LDAH: variants seen among roughly 807,000 people sequenced by gnomAD.
The protein encoded by LDAH is lipid droplet-associated hydrolase.
Under a neutral mutation model 29.6 loss-of-function variants are expected in LDAH, and 26 were observed. The ratio of observed to expected loss-of-function variants is 0.88; its 90% confidence interval spans 0.64 to 1.22. The LOEUF (loss-of-function observed/expected upper bound fraction) is 1.22, where lower values mean the gene tolerates loss of function less well. LDAH is among the 50% of genes most tolerant of loss of function. The pLI, the probability that LDAH is intolerant of heterozygous loss-of-function variation, is 0.00. For missense variants in LDAH, 344 were observed against 387.3 expected (o/e 0.89, Z 0.94); for synonymous variants, 117 against 133.0 (o/e 0.88, Z 0.83).
rs78054200 is a variant in LDAH at position 20,780,766 on chromosome 2, C to T, written c.299-5787G>A. On this transcript the variant is annotated intron_variant, in intron 3 of 6. Transcript: ENST00000237822. ...CAATTTGCTTGATTCCTAACTTCTT[C>T]TCTTGCTCTGCACTTTGGTTTTTTG... Among the ~76,000 whole-genome samples, 397 of 152,282 alleles carry T rather than the reference C, an allele frequency of 2.6e-3. 5 individuals carry two copies. In the East Asian group the frequency reaches 0.03, roughly 12 times the overall value.
chr2:20,711,960 T>C (rs1237926438), intron 5 of LDAH, among the ~76,000 whole-genome samples: 2 of 152,250 alleles, frequency 1.3e-5, no homozygotes, highest in Non-Finnish European at 2.9e-5. Flanking sequence ...GGGCAGGGCA[T>C]AGCTGAACAA....
At chr2:20,717,025 T>C (rs182700406) in intron 5 of LDAH, among the ~76,000 whole-genome samples, 1 of 152,146 alleles carries the variant, frequency 6.6e-6, no homozygotes, top group Non-Finnish European at 1.5e-5. Context: ...TTTCACTAAA[T>C]GATGATGGGT....
chr2:20,724,044 G>C (rs562625685), intron 5 of LDAH, among the ~76,000 whole-genome samples: 3 of 152,152 alleles, frequency 2.0e-5, no homozygotes, highest in Non-Finnish European at 4.4e-5. Context: ...TGAAATAGCC[G>C]AGTGAGGGCT....
At chr2:20,783,702 G>A (rs1210100979) in intron 3 of LDAH, among the ~76,000 whole-genome samples, 3 of 151,852 alleles carry the variant, frequency 2.0e-5, no homozygotes, top group Non-Finnish European at 4.4e-5. Flanking sequence ...TTGTTTGTTT[G>A]TTTTAAAATG....
intron 4 of LDAH, among the ~76,000 whole-genome samples, chr2:20,746,091 G>T (rs112384889): frequency 0.03 from 4,541 of 152,268 alleles, 225 homozygotes; most frequent in African/African-American, 0.1. Context: ...ACTTGAAGAA[G>T]AGAGCAGTTC....
intron 3 of LDAH, chr2:20,789,370 A>G (rs1670784890): frequency 6.7e-7 from 1 of 1,496,674 alleles, no homozygotes; most frequent in Admixed American, 2.3e-5. Flanking sequence ...TTTTCATCAG[A>G]CATCGAATCT....
intron 1 of LDAH, among the ~76,000 whole-genome samples, chr2:20,819,935 T>C (rs1673135451): frequency 6.6e-6 from 1 of 152,130 alleles, no homozygotes; most frequent in Admixed American, 6.5e-5. Flanking sequence ...ACAAAATCAA[T>C]GTGCAAAAAT....
At chr2:20,741,761 A>G (rs112757886) in intron 4 of LDAH, among the ~76,000 whole-genome samples, 4,849 of 152,226 alleles carry the variant, frequency 0.032, 263 homozygotes, top group African/African-American at 0.11. Flanking sequence ...CACTTACCAT[A>G]ATATTCTCCA....
intron 4 of LDAH, among the ~76,000 whole-genome samples, chr2:20,760,174 G>A (rs569985037): frequency 1.3e-5 from 2 of 152,258 alleles, no homozygotes; most frequent in South Asian, 4.1e-4. Flanking sequence ...CTAGGTAATT[G>A]AGTGGAGTAG....
intron 2 of LDAH, among the ~76,000 whole-genome samples, chr2:20,795,059 G>A (rs1415100927): frequency 6.6e-6 from 1 of 152,220 alleles, no homozygotes; most frequent in African/African-American, 2.4e-5. Context: ...AGGTCCAGGT[G>A]TAAGGATGTT....
intron 4 of LDAH, among the ~76,000 whole-genome samples, chr2:20,771,487 T>G (rs1208624892): frequency 6.6e-6 from 1 of 152,222 alleles, no homozygotes; most frequent in East Asian, 1.9e-4. Context: ...ACAAACATAT[T>G]TGTCAAATGC....
intron 1 of LDAH, among the ~76,000 whole-genome samples, chr2:20,809,406 A>AT (rs1672319014): frequency 6.6e-6 from 1 of 152,126 alleles, no homozygotes; most frequent in Admixed American, 6.5e-5. Flanking sequence ...TCAAAAAAAA[A>AT]GGAAAAGACT....
intron 3 of LDAH, among the ~76,000 whole-genome samples, chr2:20,784,870 G>A (rs1412379779): frequency 6.6e-6 from 1 of 152,088 alleles, no homozygotes; most frequent in African/African-American, 2.4e-5. Context: ...CTGGGCGAGA[G>A]AGTGAGACCC....
chr2:20,797,585 C>A (rs1015693053), intron 2 of LDAH, among the ~76,000 whole-genome samples: 1 of 152,082 alleles, frequency 6.6e-6, no homozygotes, highest in Non-Finnish European at 1.5e-5. Flanking sequence ...CCTAGGCAAG[C>A]TAGGATGGCT....
chr2:20,763,411 G>A (rs1037896888), intron 4 of LDAH, among the ~76,000 whole-genome samples: 3 of 152,244 alleles, frequency 2.0e-5, no homozygotes, highest in African/African-American at 7.2e-5. Flanking sequence ...AGAATCACCT[G>A]CAGTGCTAGT....
chr2:20,820,381 T>G (rs1673174445), intron 1 of LDAH, among the ~76,000 whole-genome samples: 2 of 152,154 alleles, frequency 1.3e-5, no homozygotes, highest in Admixed American at 1.3e-4. Context: ...AAGGCTACAG[T>G]AACCAAAACA....
chr2:20,765,934 C>T (rs1572579910), intron 4 of LDAH, among the ~76,000 whole-genome samples: 1 of 152,124 alleles, frequency 6.6e-6, no homozygotes, highest in African/African-American at 2.4e-5. Context: ...GGAAGGGAAA[C>T]AGGTTTCATT....
At chr2:20,712,601 G>A (rs972073525) in intron 5 of LDAH, among the ~76,000 whole-genome samples, 2 of 152,156 alleles carry the variant, frequency 1.3e-5, no homozygotes, top group Non-Finnish European at 2.9e-5. Context: ...AGCTAAAGGA[G>A]GATGTTCAAA....
chr2:20,691,904 C>G (rs910548088), intron 6 of LDAH, among the ~76,000 whole-genome samples: 12 of 152,242 alleles, frequency 7.9e-5, no homozygotes, highest in African/African-American at 2.2e-4. Context: ...GATGAACTTC[C>G]CTTTAACTGT....
Sources: allele counts gnomAD v4.1 joint callset (sites outside exome capture counted in the v4.1 genomes callset), GRCh38; gene constraint gnomAD v4.1.1; transcripts MANE v1.5; gene names NCBI Gene and HGNC (gene_info 2026-07-23, HGNC 2026-07-21).